The following RIMS1 variants were observed in gnomAD, a reference collection of about 807,000 sequenced individuals.
RIMS1 encodes regulating synaptic membrane exocytosis 1, also known as regulating synaptic membrane exocytosis protein 1.
RIMS1 carries 83 observed loss-of-function variants against 214.1 expected under a neutral mutation model. The ratio of observed to expected loss-of-function variants is 0.39; its 90% confidence interval spans 0.32 to 0.47. The LOEUF (loss-of-function observed/expected upper bound fraction) is 0.47, where lower values mean the gene tolerates loss of function less well. Among genes scored for constraint, RIMS1 ranks in the 20% least tolerant of loss-of-function variants. The pLI is 0.99. For missense variants in RIMS1, 2,050 were observed against 2,161.8 expected (o/e 0.95, Z 1.03); for synonymous variants, 793 against 786.8 (o/e 1.01, Z -0.13).
intron 4 of RIMS1, among the ~76,000 whole-genome samples, chr6:72,135,009 A>G (rs972519653): frequency 6.6e-6 from 1 of 152,170 alleles, no homozygotes; most frequent in Non-Finnish European, 1.5e-5. Flanking sequence ...TTTTCGTTAA[A>G]TGATAATAAT....
chr6:72,320,109 G>A (rs573432681), intron 28 of RIMS1, among the ~76,000 whole-genome samples: 1 of 152,210 alleles, frequency 6.6e-6, no homozygotes, highest in South Asian at 2.1e-4. Flanking sequence ...ACTTCACAGT[G>A]CTTCATGGTG....
chr6:72,268,441 G>T (rs184301934), intron 22 of RIMS1, among the ~76,000 whole-genome samples: 24 of 152,216 alleles, frequency 1.6e-4, no homozygotes, highest in African/African-American at 5.3e-4. Context: ...CTACAAATTT[G>T]TCAACTATGT....
At chr6:71,927,305 T>A (rs1371866025) in intron 1 of RIMS1, among the ~76,000 whole-genome samples, 1 of 152,214 alleles carries the variant, frequency 6.6e-6, no homozygotes, top group East Asian at 1.9e-4. Context: ...ACATTCGGAC[T>A]GATTCACAAT....
At chr6:72,239,689 C>G (rs1054638783) in intron 9 of RIMS1, among the ~76,000 whole-genome samples, 1 of 152,138 alleles carries the variant, frequency 6.6e-6, no homozygotes. Flanking sequence ...CTTCATTTAA[C>G]CTTCTAAAAC....
chr6:72,013,869 T>A (rs532361793), intron 2 of RIMS1, among the ~76,000 whole-genome samples: 2 of 152,318 alleles, frequency 1.3e-5, no homozygotes, highest in Admixed American at 1.3e-4. Context: ...CCCATACTTA[T>A]TAGCAATTGT....
intron 4 of RIMS1, among the ~76,000 whole-genome samples, chr6:72,136,170 T>A (rs1476859663): frequency 2.6e-5 from 4 of 152,210 alleles, no homozygotes; most frequent in African/African-American, 9.6e-5. Context: ...TTCACTGGTT[T>A]AAGAAAAACA....
At chr6:72,236,225 G>C (rs1258106641) in intron 8 of RIMS1, among the ~76,000 whole-genome samples, 1 of 152,030 alleles carries the variant, frequency 6.6e-6, no homozygotes, top group East Asian at 1.9e-4. Context: ...TTGAGCCCCT[G>C]CATTGGAAGA....
chr6:71,981,961 A>ATGATT (rs1798611146), intron 2 of RIMS1, among the ~76,000 whole-genome samples: 1 of 150,688 alleles, frequency 6.6e-6, no homozygotes, highest in African/African-American at 2.4e-5. Context: ...GGTTTGAACT[A>ATGATT]TGATTTGATT....
At chr6:72,041,348 GA>G (rs1821382577) in intron 2 of RIMS1, among the ~76,000 whole-genome samples, 1 of 151,822 alleles carries the variant, frequency 6.6e-6, no homozygotes, top group Non-Finnish European at 1.5e-5. Flanking sequence ...TAGAGGTTTT[GA>G]AAAGGCTTTA....
chr6:72,342,733 A>G (rs950801156), intron 29 of RIMS1, among the ~76,000 whole-genome samples: 1 of 151,696 alleles, frequency 6.6e-6, no homozygotes, highest in African/African-American at 2.4e-5. Context: ...CTAGATGGAG[A>G]GACTGAAAGA....
At chr6:72,170,366 C>CA (rs1385537618) in intron 4 of RIMS1, among the ~76,000 whole-genome samples, 1 of 151,956 alleles carries the variant, frequency 6.6e-6, no homozygotes, top group Non-Finnish European at 1.5e-5. Flanking sequence ...TTTTTTGAGT[C>CA]AGAGTCTTGC....
chr6:72,230,952 T>G (rs1041246194), intron 6 of RIMS1, among the ~76,000 whole-genome samples: 2 of 151,506 alleles, frequency 1.3e-5, no homozygotes, highest in African/African-American at 2.4e-5. Context: ...TCCTAGGACG[T>G]TTTATTGACT....
At chr6:72,196,179 G>T (rs1041035478) in intron 6 of RIMS1, among the ~76,000 whole-genome samples, 1 of 151,828 alleles carries the variant, frequency 6.6e-6, no homozygotes, top group Admixed American at 6.6e-5. Context: ...TCATAGTCCT[G>T]GTATTTTTTC....
At chr6:71,996,251 C>A (rs1483157643) in intron 2 of RIMS1, among the ~76,000 whole-genome samples, 1 of 152,158 alleles carries the variant, frequency 6.6e-6, no homozygotes, top group South Asian at 2.1e-4. Context: ...ACCTTCAAAC[C>A]TAAAATTTTG....
chr6:72,329,549 A>T (rs1224157587), intron 28 of RIMS1, among the ~76,000 whole-genome samples: 1 of 151,486 alleles, frequency 6.6e-6, no homozygotes. Context: ...TTTTTTTTCA[A>T]ATTAACATCT....
chr6:72,186,327 G>A (rs2049090560), intron 6 of RIMS1, among the ~76,000 whole-genome samples: 1 of 152,190 alleles, frequency 6.6e-6, no homozygotes, highest in Non-Finnish European at 1.5e-5. Flanking sequence ...TTGTGTGATG[G>A]TCTGAATTTT....
intron 1 of RIMS1, among the ~76,000 whole-genome samples, chr6:71,922,197 G>A (rs921646858): frequency 2.6e-5 from 4 of 152,026 alleles, no homozygotes; most frequent in Non-Finnish European, 5.9e-5. Context: ...CATTTGTAAA[G>A]TGTACAATTC....
intron 29 of RIMS1, among the ~76,000 whole-genome samples, chr6:72,345,560 T>C (rs190634938): frequency 6.6e-6 from 1 of 151,990 alleles, no homozygotes; most frequent in East Asian, 1.9e-4. Flanking sequence ...ACCACTTTAC[T>C]ATAATTCCGT....
At chr6:72,358,998 T>G (rs1013755089) in intron 29 of RIMS1, among the ~76,000 whole-genome samples, 2 of 152,186 alleles carry the variant, frequency 1.3e-5, no homozygotes, top group African/African-American at 4.8e-5. Flanking sequence ...TTCTTTAATC[T>G]CCTATTTATT....
Sources: allele counts gnomAD v4.1 joint callset (sites outside exome capture counted in the v4.1 genomes callset), GRCh38; gene constraint gnomAD v4.1.1; transcripts MANE v1.5; gene names NCBI Gene and HGNC (gene_info 2026-07-23, HGNC 2026-07-21).